DNM1: variants seen among roughly 807,000 people sequenced by gnomAD.
DNM1 encodes dynamin 1.
A neutral mutation model predicts 104.6 loss-of-function variants in DNM1; 29 were observed. The observed-to-expected ratio is 0.28, with a 90% confidence interval of 0.21 to 0.38. The LOEUF is 0.38. Among genes scored for constraint, DNM1 ranks in the 10% least tolerant of loss-of-function variants. DNM1 has a pLI of 1.00. For missense variants in DNM1, 640 were observed against 1,189.4 expected (o/e 0.54, Z 6.79); for synonymous variants, 445 against 475.8 (o/e 0.94, Z 0.84).
intron 11 of DNM1, among the ~76,000 whole-genome samples, chr9:128,236,998 G>A (rs978690836): frequency 6.6e-6 from 1 of 152,152 alleles, no homozygotes; most frequent in Non-Finnish European, 1.5e-5. Flanking sequence ...TTTTTCCTCT[G>A]AAGATAATTG....
At chr9:128,230,609 C>T (rs1418012788) in intron 10 of DNM1, among the ~76,000 whole-genome samples, 1 of 151,654 alleles carries the variant, frequency 6.6e-6, no homozygotes. Flanking sequence ...CGCCATCACA[C>T]CCAGCTAATT....
chr9:128,227,265 C>T (rs1309024388), intron 10 of DNM1, among the ~76,000 whole-genome samples: 15 of 151,282 alleles, frequency 9.9e-5, no homozygotes, highest in African/African-American at 3.6e-4. Context: ...CCACCTGCCT[C>T]GGCCTCCCAA....
At position 128,251,190 on chromosome 9, in the gene DNM1, C is replaced by G. The variant is rs918855157; in HGVS notation, c.2534+250C>G. 1.5e-5 allele frequency: 10 copies of G among 671,222 alleles called. No individual in the cohort carries two copies. The Middle Eastern group carries it at 1.1e-3, about 73-fold the overall frequency. The allele number at this position is 671,222 out of a possible 1,614,324, so 41.6% of individuals were successfully genotyped here. A position where few individuals can be genotyped will look rare whatever the true frequency, so the allele number is the denominator to read the frequency against. On this transcript the variant is annotated intron_variant, in intron 21 of 21. Transcript: ENST00000372923. ...GCTGTGGGGCTCGTCCCACCTGCCC[C>G]CTTCTTTCCAGCACTTGCATGGCGC...
chr9:128,244,273 T>C (rs550953990), intron 15 of DNM1, among the ~76,000 whole-genome samples: 1 of 151,922 alleles, frequency 6.6e-6, no homozygotes, highest in East Asian at 1.9e-4. Flanking sequence ...CTTGTGTGTG[T>C]CCGTGTGGGA....
chr9:128,224,343 T>C lies in DNM1; in HGVS notation c.1289T>C (p.Met430Thr). 6.2e-7 allele frequency: 1 copy of C among 1,614,000 alleles called. No individual in the cohort carries two copies. The highest frequency in any genetic ancestry group is 1.7e-5 in the Admixed American group (1 of 60,010). Reference protein sequence around the residue: ...IREPCLKCVDMVISELISTVR... With the variant: ...IREPCLKCVDTVISELISTVR... ...GAACCGTGTCTCAAGTGTGTGGACATGGTTATCTCGGAGCTAATCAGCACC... is the reference window on the plus strand; with the variant it reads ...GAACCGTGTCTCAAGTGTGTGGACACGGTTATCTCGGAGCTAATCAGCACC... The change falls in exon 10 of 22, where the codon ATG becomes ACG. Residue 430 changes from methionine to threonine, a missense_variant. Physicochemically the swap from Met to Thr is moderately conservative, Grantham distance 81 (BLOSUM62 -1). Transcript: ENST00000372923. This position sits in a 1 kb window ranked among gnomAD's most constrained non-coding sequence, Gnocchi z 4.3.
Position 128,219,337 on chromosome 9 carries a change from T to G in DNM1, c.589+85T>G. The G allele has an allele frequency of 3.3e-6, 4 of 1,230,572 alleles. No individual in the cohort carries two copies. The South Asian group carries it at 4.9e-5, about 15-fold the overall frequency. The allele number at this position is 1,230,572 out of a possible 1,614,324, so 76.2% of individuals were successfully genotyped here. A position where few individuals can be genotyped will look rare whatever the true frequency, so the allele number is the denominator to read the frequency against. The stretch of plus-strand genomic sequence containing the variant: ...AGTGTAAAGGGGAGCCTCTGAACGG[T>G]CTAAGAATAGCGGTGGGATCAGATT... On this transcript the variant is annotated intron_variant, in intron 4 of 21. Coordinates refer to ENST00000372923, the MANE Select transcript of DNM1 (RefSeq NM_004408.4).
intron 10 of DNM1, among the ~76,000 whole-genome samples, chr9:128,229,061 T>C: frequency 6.6e-6 from 1 of 152,046 alleles, no homozygotes; most frequent in East Asian, 1.9e-4. Context: ...AATGGTTAAG[T>C]AAACTGTGAT....
At position 128,222,637 on chromosome 9, in the gene DNM1, C is replaced by T; in HGVS notation, c.1128+41C>T. 1 of 1,611,218 alleles carries T rather than the reference C, an allele frequency of 6.2e-7. No individual in the cohort carries two copies. Among genetic ancestry groups the T allele is most frequent in the Non-Finnish European group, 8.5e-7 (1 of 1,177,950 alleles). On this transcript the variant is annotated intron_variant, in intron 8 of 21. Coordinates refer to ENST00000372923, the MANE Select transcript of DNM1 (RefSeq NM_004408.4). The surrounding 1 kb of genome is among the most constrained non-coding windows in gnomAD (Gnocchi z 7.8). ...CTGGGGACAGGATGGCTCAGGACTCCCCCCACCCTCACTCAGGACTCTCTC... is the reference window on the plus strand; with the variant it reads ...CTGGGGACAGGATGGCTCAGGACTCTCCCCACCCTCACTCAGGACTCTCTC...
Position 128,222,457 on chromosome 9 carries a change from C to T in DNM1, c.993-4C>T. ...CCCCTCAGGCCACACCACTCTCCCA[C>T]CAGGATGGTCCAGCAGTTCGCCGTA... On this transcript the variant is annotated splice_polypyrimidine_tract_variant and splice_region_variant and intron_variant, in intron 7 of 21. Coordinates refer to ENST00000372923, the MANE Select transcript of DNM1 (RefSeq NM_004408.4). The surrounding 1 kb of genome is among the most constrained non-coding windows in gnomAD (Gnocchi z 7.8). 1 of 1,614,166 alleles carries T rather than the reference C, an allele frequency of 6.2e-7. No individual in the cohort carries two copies. The highest frequency in any genetic ancestry group is 8.5e-7 in the Non-Finnish European group (1 of 1,180,012).
At position 128,247,165 on chromosome 9, in the gene DNM1, A is replaced by T. The variant is rs1836880042; in HGVS notation, c.1782-210A>T. 8.3e-6 allele frequency: 4 copies of T among 480,894 alleles called. No individual in the cohort carries two copies. The South Asian group carries it at 1.3e-4, about 16-fold the overall frequency. The allele number at this position is 480,894 out of a possible 1,614,324, so 29.8% of individuals were successfully genotyped here. A position where few individuals can be genotyped will look rare whatever the true frequency, so the allele number is the denominator to read the frequency against. On this transcript the variant is annotated intron_variant, in intron 16 of 21. Coordinates refer to ENST00000372923, the MANE Select transcript of DNM1 (RefSeq NM_004408.4). The surrounding 1 kb of genome is among the most constrained non-coding windows in gnomAD (Gnocchi z 5.1). The stretch of plus-strand genomic sequence containing the variant: ...AGCATTTTACCACTCACTTCACTGA[A>T]TCCTCAGTGACCCAAGGAGGCAGGA...
rs1829674971 is a variant in DNM1, at chr9:128,253,778, C to T, written c.2535-876C>T. ...AGGGACACACAGCCCCCTTCCCTCC[C>T]TCCCAGGTACCGTCATAGCTGCTAG... is the stretch of plus-strand genomic sequence containing the variant. On this transcript the variant is annotated intron_variant, in intron 21 of 21. Coordinates refer to ENST00000372923, the MANE Select transcript of DNM1 (RefSeq NM_004408.4). The surrounding 1 kb of genome is among the most constrained non-coding windows in gnomAD (Gnocchi z 5.9). 1 of 467,660 alleles carries T rather than the reference C, an allele frequency of 2.1e-6. No individual in the cohort carries two copies. Among genetic ancestry groups the T allele is most frequent in the Non-Finnish European group, 3.4e-6 (1 of 296,468 alleles). The allele number at this position is 467,660 out of a possible 1,614,324, so 29.0% of individuals were successfully genotyped here.
intron 14 of DNM1, among the ~76,000 whole-genome samples, chr9:128,241,215 C>G (rs758685108): frequency 1.3e-5 from 2 of 152,142 alleles, no homozygotes; most frequent in Non-Finnish European, 2.9e-5. Flanking sequence ...TGGGTCTTCT[C>G]TGGATGCTCA....
chr9:128,243,530 G>A lies in DNM1; in HGVS notation c.1671+1185G>A, dbSNP rs1057423619. Reference sequence around the variant, plus strand: ...GCCCTCTGTCGTCACTGGCGGGGGCGCCAAGCCATCTGGACCTCATTACCC... The same window carrying A: ...GCCCTCTGTCGTCACTGGCGGGGGCACCAAGCCATCTGGACCTCATTACCC... On this transcript the variant is annotated intron_variant, in intron 15 of 21. Coordinates refer to ENST00000372923, the MANE Select transcript of DNM1 (RefSeq NM_004408.4). This position sits in a 1 kb window ranked among gnomAD's most constrained non-coding sequence, Gnocchi z 4.0. 1.3e-5 allele frequency among the ~76,000 whole-genome samples: 2 copies of A among 152,172 alleles called. No homozygotes were observed. The highest frequency in any genetic ancestry group is 2.9e-5 in the Non-Finnish European group (2 of 68,012).
chr9:128,205,351 A>G (rs1189299867), intron 1 of DNM1, among the ~76,000 whole-genome samples: 3 of 152,264 alleles, frequency 2.0e-5, no homozygotes, highest in African/African-American at 7.2e-5. Flanking sequence ...GCCCGCATCT[A>G]CTGAGCCCAT....
chr9:128,254,515 C>T lies in DNM1; in HGVS notation c.2535-139C>T. 1.9e-6 allele frequency: 3 copies of T among 1,540,126 alleles called. No individual in the cohort carries two copies. The highest frequency in any genetic ancestry group is 4.8e-5 in the East Asian group (2 of 41,572). ...CCTTTTCCAGGAACCTTGCCACACC[C>T]ACACCTGCAGCCTCCCCTCCCCGGC... On this transcript the variant is annotated intron_variant, in intron 21 of 21. Transcript: ENST00000372923. The surrounding 1 kb of genome is among the most constrained non-coding windows in gnomAD (Gnocchi z 6.1).
At chr9:128,236,590 C>G (rs775548376) in intron 11 of DNM1, among the ~76,000 whole-genome samples, 2 of 152,132 alleles carry the variant, frequency 1.3e-5, no homozygotes, top group African/African-American at 4.8e-5. Context: ...GTGGCTTATA[C>G]CTGTAACCCC....
rs758483847 is a variant in DNM1 at position 128,218,782 on chromosome 9, G to C, written c.385+51G>C. 57 of 1,540,034 alleles carry C rather than the reference G, an allele frequency of 3.7e-5. No homozygotes were observed. The South Asian group carries it at 6.5e-4, about 18-fold the overall frequency. ...CTCTAAGAATCATTTTCTTGGCCAC[G>C]CACCTCTGCGTGCCTCGCTCCTCCT... On this transcript the variant is annotated intron_variant, in intron 3 of 21. Transcript: ENST00000372923. This position sits in a 1 kb window ranked among gnomAD's most constrained non-coding sequence, Gnocchi z 4.8.
chr9:128,239,845 GC>G lies in DNM1; in HGVS notation c.1545+71del, dbSNP rs1044062110. On this transcript the variant is annotated intron_variant, in intron 13 of 21. Coordinates refer to ENST00000372923, the MANE Select transcript of DNM1 (RefSeq NM_004408.4). ...GCCGGACGGACACCAGACTCTGAGA[GC>G]CCCCTCCCCTGAGGGGAAGGGTCCC... 2.5e-6 allele frequency: 4 copies of G among 1,576,936 alleles called. No individual in the cohort carries two copies. In the African/African-American group the frequency reaches 5.4e-5, roughly 21 times the overall value.
chr9:128,245,160 C>G lies in DNM1; in HGVS notation c.1672-1234C>G, dbSNP rs571878467. 1.8e-5 allele frequency: 3 copies of G among 169,566 alleles called. No homozygotes were observed. The highest frequency in any genetic ancestry group is 2.6e-5 in the Non-Finnish European group (2 of 77,172). The allele number at this position is 169,566 out of a possible 1,614,324, so 10.5% of individuals were successfully genotyped here. On this transcript the variant is annotated intron_variant, in intron 15 of 21. Transcript: ENST00000372923. The surrounding 1 kb of genome is among the most constrained non-coding windows in gnomAD (Gnocchi z 5.2). ...CGAACGGTTCCAGATGTTCCCTGGC[C>G]GTGTGTGCAACTTCCTCCTCTCCTC...
Sources: allele counts gnomAD v4.1 joint callset (sites outside exome capture counted in the v4.1 genomes callset), GRCh38; gene constraint gnomAD v4.1.1; non-coding constraint Gnocchi (gnomAD v3.1); transcripts MANE v1.5; gene names NCBI Gene and HGNC (gene_info 2026-07-23, HGNC 2026-07-21).